Variants in ARSF observed in about 807,000 individuals in gnomAD.
The protein encoded by ARSF is arylsulfatase F.
A neutral mutation model predicts 35.4 loss-of-function variants in ARSF; 33 were observed. The ratio of observed to expected loss-of-function variants is 0.93; its 90% CI spans 0.71 to 1.25. The LOEUF (loss-of-function observed/expected upper bound fraction) is 1.25, where lower values mean the gene tolerates loss of function less well. Ranked by LOEUF, ARSF falls within the 50% of genes most tolerant of loss-of-function variation. The pLI, the probability that ARSF is intolerant of heterozygous loss-of-function variation, is 0.00. For missense variants in ARSF, 501 were observed against 480.2 expected (o/e 1.04, Z -0.40); for synonymous variants, 222 against 193.1 (o/e 1.15, Z -1.24).
In ARSF at chrX:3,072,378, T is replaced by C. The variant is rs1356509431; in HGVS notation, c.161+203T>C. On this transcript the variant is annotated intron_variant, in intron 3 of 10. Transcript: ENST00000381127. Reference sequence around the variant, plus strand: ...TTTTAATAATTTTAATTTGAATCTCTTTCAGTTTTTAAACTTAAGAAATAA... The same window carrying C: ...TTTTAATAATTTTAATTTGAATCTCCTTCAGTTTTTAAACTTAAGAAATAA... Among the ~76,000 whole-genome samples, 5 of 112,290 alleles carry C rather than the reference T, an allele frequency of 4.5e-5. No individual in the cohort carries two copies. In the East Asian group the frequency reaches 1.4e-3, roughly 31 times the overall value.
rs988016302 is a variant in ARSF, at chrX:3,046,020, T to G, written c.-29+4357T>G. Among the ~76,000 whole-genome samples, 24 of 110,753 alleles carry G rather than the reference T, an allele frequency of 2.2e-4. 1 individual carries two copies. The highest frequency in any genetic ancestry group is 5.8e-4 in the Admixed American group (6 of 10,345). On this transcript the variant is annotated intron_variant, in intron 1 of 10. Coordinates refer to ENST00000381127, the MANE Select transcript of ARSF (RefSeq NM_001201539.2). ...GCCTCAGCCTCCTGAGTAGCTGGGA[T>G]TACAGGCATGTGCCACCACGCCTGG...
intron 1 of ARSF, among the ~76,000 whole-genome samples, chrX:3,056,180 C>T (rs904073015): frequency 1.8e-5 from 2 of 110,789 alleles, no homozygotes; most frequent in African/African-American, 6.6e-5. Flanking sequence ...AGGCTGGTCT[C>T]AAACTCCCAG....
intron 8 of ARSF, 132 bp from the exon 9 acceptor site, chrX:3,103,630 C>T: frequency 1.3e-6 from 1 of 748,401 alleles, no homozygotes; most frequent in Non-Finnish European, 1.9e-6. Context: ...ACTTACCCCA[C>T]TAGGACTCTA....
intron 7 of ARSF, among the ~76,000 whole-genome samples, chrX:3,093,871 G>A (rs902028272): frequency 7.2e-5 from 8 of 111,841 alleles, no homozygotes; most frequent in Non-Finnish European, 1.3e-4. Flanking sequence ...TATAAGTGTT[G>A]CATCTTCTCT....
In ARSF at chrX:3,112,455, G is replaced by C. The variant is rs1459192523; in HGVS notation, c.1672G>C (p.Gly558Arg). 16 of 1,209,476 alleles carry C rather than the reference G, an allele frequency of 1.3e-5. No individual in the cohort carries two copies. Among genetic ancestry groups the C allele is most frequent in the Non-Finnish European group, 1.7e-5 (15 of 895,172 alleles). Residue 558 changes from glycine to arginine, a missense_variant, in exon 11 of 11, where the codon GGC (glycine) becomes CGC (arginine). By Grantham distance (125) the Gly-to-Arg change is moderately radical (BLOSUM62 -2). Coordinates refer to ENST00000381127, the MANE Select transcript of ARSF (RefSeq NM_001201539.2). ...CTACCAACTCTCAGAACTGAATCAG[G>C]GCAGGACGTGGCTGAAGCCTTGCTG... ...VTYQLSELNQ[G>R]RTWLKPCCGV...
chrX:3,085,839 G>A (rs2090244334), intron 6 of ARSF, among the ~76,000 whole-genome samples: 1 of 110,566 alleles, frequency 9.0e-6, no homozygotes, highest in African/African-American at 3.3e-5. Flanking sequence ...CTGGGAGGCC[G>A]AGGAGGGTGG....
chrX:3,110,227 C>T lies in ARSF; in HGVS notation c.1365C>T (p.Ala455=), dbSNP rs144086355. 1.2e-5 allele frequency: 14 copies of T among 1,187,882 alleles called. No individual in the cohort carries two copies. The highest frequency in any genetic ancestry group is 8.8e-5 in the African/African-American group (5 of 56,794). The part of the protein sequence containing the change: ...LFHYCGSYLH[A]VRWIPKDDSG... ...ACTACTGTGGCTCCTACCTGCACGC[C>T]GTGCGGTGGATCCCCAAGGACGACA... The change falls in exon 10 of 11, where the codon GCC becomes GCT. Residue 455 remains alanine, a synonymous_variant. Transcript: ENST00000381127.
At position 3,089,776 on chromosome X, in the gene ARSF, G is replaced by T. The variant is rs958043523; in HGVS notation, c.967+144G>T. The T allele has an allele frequency of 1.7e-5, 10 of 601,700 alleles. 1 individual carries two copies. In the South Asian group the frequency reaches 3.5e-4, roughly 21 times the overall value. 49.6% of individuals were successfully genotyped at this position (601,700 alleles called of 1,213,427 possible). ...CTGAGACATTAATGAGGTAATAGTT[G>T]CTAGCAATTGAGAAAGTCAGCAAAA... On this transcript the variant is annotated intron_variant, in intron 7 of 10. Transcript: ENST00000381127.
intron 7 of ARSF, among the ~76,000 whole-genome samples, chrX:3,096,057 C>T (rs1009029507): frequency 9.3e-6 from 1 of 107,060 alleles, no homozygotes; most frequent in African/African-American, 3.4e-5. Flanking sequence ...ATAATAAATA[C>T]ATTTGTTTTT....
chrX:3,041,299 C>CTTTTTTTTTTT (rs35885735), upstream of ARSF, among the ~76,000 whole-genome samples: 1 of 87,427 alleles, frequency 1.1e-5, no homozygotes, highest in Non-Finnish European at 2.1e-5. Flanking sequence ...TTTTCTTTTT[C>CTTTTTTTTTTT]TTTTTTTTTT....
chrX:3,095,447 T>C (rs2090332533), intron 7 of ARSF, among the ~76,000 whole-genome samples: 1 of 108,292 alleles, frequency 9.2e-6, no homozygotes, highest in African/African-American at 3.3e-5. Context: ...ATATCATTAA[T>C]ATACAATTAT....
Position 3,085,302 on chromosome X carries a change from G to GTA in ARSF, c.830+645_830+646dup, listed in dbSNP as rs897591626. 1.7e-3 allele frequency among the ~76,000 whole-genome samples: 177 copies of GTA among 105,645 alleles called. 1 individual carries two copies. Among genetic ancestry groups the GTA allele is most frequent in the African/African-American group, 4.5e-3 (133 of 29,335 alleles). 91.7% of individuals were successfully genotyped at this position (105,645 alleles called of 115,157 possible). On this transcript the variant is annotated intron_variant, in intron 6 of 10. Coordinates refer to ENST00000381127, the MANE Select transcript of ARSF (RefSeq NM_001201539.2). ...AATATGTATATACTATACTATATAT[G>GTA]TATATATATAATATATTTTATAATA...
At chrX:3,045,975 C>T (rs1424780048) in intron 1 of ARSF, among the ~76,000 whole-genome samples, 2 of 110,637 alleles carry the variant, frequency 1.8e-5, no homozygotes, top group South Asian at 3.9e-4. Context: ...CTCTGCCTCC[C>T]GAGTTCAAGC....
chrX:3,067,280 T>TG (rs1469354445), intron 1 of ARSF, among the ~76,000 whole-genome samples: 4 of 110,907 alleles, frequency 3.6e-5, no homozygotes, highest in African/African-American at 1.3e-4. Flanking sequence ...GGTACAAATA[T>TG]GGGTAATAAC....
intron 1 of ARSF, among the ~76,000 whole-genome samples, chrX:3,064,953 G>C (rs745625912): frequency 1.8e-5 from 2 of 111,436 alleles, no homozygotes; most frequent in East Asian, 5.6e-4. Flanking sequence ...CCATTACTGG[G>C]TATATACCCA....
intron 9 of ARSF, among the ~76,000 whole-genome samples, chrX:3,105,988 G>A (rs1603465136): frequency 8.9e-6 from 1 of 111,829 alleles, no homozygotes. Context: ...AGTTCCAGCC[G>A]TTGTCCTCAC....
At chrX:3,070,243 T>C (rs201996980) in intron 2 of ARSF, among the ~76,000 whole-genome samples, 4 of 111,931 alleles carry the variant, frequency 3.6e-5, no homozygotes, top group South Asian at 3.7e-4. Context: ...TTTTTAACGC[T>C]GAATAATATT....
chrX:3,106,675 G>A, intron 9 of ARSF, among the ~76,000 whole-genome samples: 1 of 112,258 alleles, frequency 8.9e-6, no homozygotes, highest in Non-Finnish European at 1.9e-5. Context: ...ACACAAAACA[G>A]ATAAAGCAAA....
intron 7 of ARSF, among the ~76,000 whole-genome samples, chrX:3,091,074 C>T (rs962883584): frequency 1.8e-5 from 2 of 110,729 alleles, no homozygotes; most frequent in African/African-American, 6.6e-5. Context: ...GCTACTGCGC[C>T]CGGCTAATTT....
Sources: allele counts gnomAD v4.1 joint callset (sites outside exome capture counted in the v4.1 genomes callset), GRCh38; gene constraint gnomAD v4.1.1; transcripts MANE v1.5; gene names NCBI Gene and HGNC (gene_info 2026-07-23, HGNC 2026-07-21).